Variants in TET1 observed in about 807,000 individuals in gnomAD.
The protein encoded by TET1 is tet methylcytosine dioxygenase 1, also known as methylcytosine dioxygenase TET1.
In TET1, 13 loss-of-function variants were observed where a neutral mutation model predicts 148.7. That is an observed-to-expected ratio of 0.09 (90% CI 0.06 to 0.14). TET1 has a LOEUF of 0.14. Ranked by LOEUF, TET1 falls within the 10% of genes least tolerant of loss-of-function variation. The pLI, the probability that TET1 is intolerant of heterozygous loss-of-function variation, is 1.00. For missense variants in TET1, 2,182 were observed against 2,553.8 expected, an observed-to-expected ratio of 0.85 and a Z score of 3.14; for synonymous variants, 907 against 937.2, an observed-to-expected ratio of 0.97 and a Z score of 0.59.
intron 3 of TET1, among the ~76,000 whole-genome samples, chr10:68,610,011 C>T (rs559419578): frequency 3.3e-5 from 5 of 152,006 alleles, no homozygotes; most frequent in East Asian, 1.9e-4. Context: ...AGGCAGGGCA[C>T]GGTGGCTCAC....
chr10:68,606,540 C>T (rs61868095), intron 3 of TET1, among the ~76,000 whole-genome samples: 4,179 of 151,902 alleles, frequency 0.028, 91 homozygotes, highest in Non-Finnish European at 0.037. Context: ...CTTGTAGCAA[C>T]ATGTTGCAAA....
At chr10:68,655,879 G>A (rs966243629) in intron 6 of TET1, among the ~76,000 whole-genome samples, 104 of 152,246 alleles carry the variant, frequency 6.8e-4, no homozygotes, top group African/African-American at 2.2e-3. Context: ...TGGCAGGAGA[G>A]CAAGTGAAGC....
rs767144503 is a variant in TET1 at position 68,572,719 on chromosome 10, G to C, written c.381G>C (p.Lys127Asn). Residue 127 changes from lysine to asparagine, a missense_variant, in exon 2 of 12, where the codon AAG becomes AAC. This residue lies in a region of TET1 where 665 missense variants were observed against 672.4 expected (regional missense o/e 0.99). Coordinates refer to ENST00000373644, the MANE Select transcript of TET1 (RefSeq NM_030625.3). ...QPPLVVAKSKKVPLSKGLEKQ... is the reference protein window; with the variant it reads ...QPPLVVAKSKNVPLSKGLEKQ... ...CACTGGTCGTAGCCAAATCCAAAAA[G>C]GTTCCACTTTCTAAGGGTTTAGAAA... 3.1e-6 allele frequency: 5 copies of C among 1,614,036 alleles called. No homozygotes were observed. Among genetic ancestry groups the C allele is most frequent in the Middle Eastern group, 1.6e-4 (1 of 6,062 alleles).
At chr10:68,616,323 A>G (rs761605901) in intron 3 of TET1, among the ~76,000 whole-genome samples, 15 of 150,350 alleles carry the variant, frequency 1.0e-4, no homozygotes, top group South Asian at 2.1e-4. Flanking sequence ...TTTTTGAAGA[A>G]TTTCCCTCAA....
In TET1 at chr10:68,692,593, G is replaced by T. The variant is rs1299132063; in HGVS notation, c.*779G>T. On this transcript the variant is annotated 3_prime_UTR_variant, in exon 12 of 12. Coordinates refer to ENST00000373644, the MANE Select transcript of TET1 (RefSeq NM_030625.3). ...TGTATTCTAATCATGTATATGGTTT[G>T]TGTTCTTTTACTGTGTCCTCTCACA... The T allele has an allele frequency of 4.3e-6, 1 of 232,294 alleles. No individual in the cohort carries two copies. The highest frequency in any genetic ancestry group is 1.8e-4 in the South Asian group (1 of 5,518). 14.4% of individuals were successfully genotyped at this position (232,294 alleles called of 1,614,324 possible). A position where few individuals can be genotyped will look rare whatever the true frequency, so the allele number is the denominator to read the frequency against.
intron 4 of TET1, among the ~76,000 whole-genome samples, chr10:68,649,605 CA>C (rs557761071): frequency 0.046 from 3,716 of 80,192 alleles, 95 homozygotes; most frequent in African/African-American, 0.1. Flanking sequence ...GACTCTGTCT[CA>C]AAAAAAAAAA....
At chr10:68,623,387 T>A (rs1239817971) in intron 3 of TET1, among the ~76,000 whole-genome samples, 1 of 152,204 alleles carries the variant, frequency 6.6e-6, no homozygotes, top group Non-Finnish European at 1.5e-5. Flanking sequence ...AAAATAGGAC[T>A]GTTGGATAGA....
intron 2 of TET1, among the ~76,000 whole-genome samples, chr10:68,586,962 T>C (rs2053868973): frequency 6.6e-6 from 1 of 152,202 alleles, no homozygotes; most frequent in Admixed American, 6.5e-5. Context: ...ATTCATGTTA[T>C]GTAGAGGAAA....
intron 2 of TET1, among the ~76,000 whole-genome samples, chr10:68,574,857 G>A (rs917676900): frequency 6.6e-6 from 1 of 152,168 alleles, no homozygotes; most frequent in East Asian, 1.9e-4. Flanking sequence ...AAACTCCAAA[G>A]TGATACACAA....
At chr10:68,616,539 G>A (rs2054292172) in intron 3 of TET1, among the ~76,000 whole-genome samples, 1 of 151,884 alleles carries the variant, frequency 6.6e-6, no homozygotes, top group Admixed American at 6.6e-5. Context: ...AATCTTTTGA[G>A]AATTTTTTTT....
At chr10:68,623,454 T>G (rs2054405039) in intron 3 of TET1, among the ~76,000 whole-genome samples, 1 of 152,220 alleles carries the variant, frequency 6.6e-6, no homozygotes, top group South Asian at 2.1e-4. Context: ...TTCCTGTTGC[T>G]TTGGATACTT....
chr10:68,621,461 G>A (rs994569213), intron 3 of TET1, among the ~76,000 whole-genome samples: 1 of 152,190 alleles, frequency 6.6e-6, no homozygotes, highest in African/African-American at 2.4e-5. Context: ...GCTTGCACCT[G>A]TAGTTCCAGC....
At chr10:68,682,538 T>G (rs925539958) in intron 9 of TET1, among the ~76,000 whole-genome samples, 1 of 152,206 alleles carries the variant, frequency 6.6e-6, no homozygotes, top group Non-Finnish European at 1.5e-5. Context: ...TTATTGGTCT[T>G]TCTTTCTAAT....
At position 68,573,685 on chromosome 10, in the gene TET1, G is replaced by T; in HGVS notation, c.1347G>T (p.Trp449Cys). The T allele has an allele frequency of 1.2e-6, 2 of 1,613,994 alleles. No individual in the cohort carries two copies. Among genetic ancestry groups the T allele is most frequent in the Non-Finnish European group, 1.7e-6 (2 of 1,180,024 alleles). The change falls in exon 2 of 12, where the codon TGG (tryptophan) becomes TGT (cysteine). Residue 449 changes from tryptophan to cysteine, a missense_variant. Coordinates refer to ENST00000373644, the MANE Select transcript of TET1 (RefSeq NM_030625.3). ...PIATFNAPSK[W>C]PEPQSTVSYG... ...CTACCTTTAATGCTCCTTCCAAATGGCCTGAGCCCCAAAGCACTGTCTCAT... is the reference window on the plus strand; with the variant it reads ...CTACCTTTAATGCTCCTTCCAAATGTCCTGAGCCCCAAAGCACTGTCTCAT...
At chr10:68,631,208 A>C (rs987446154) in intron 3 of TET1, among the ~76,000 whole-genome samples, 1 of 152,212 alleles carries the variant, frequency 6.6e-6, no homozygotes, top group Non-Finnish European at 1.5e-5. Flanking sequence ...AAATATATTA[A>C]AAACAAAGAT....
intron 1 of TET1, among the ~76,000 whole-genome samples, chr10:68,570,132 T>C (rs1204394068): frequency 6.6e-6 from 1 of 151,032 alleles, no homozygotes; most frequent in Non-Finnish European, 1.5e-5. Context: ...TGAGATGGAG[T>C]CTTGCTCTGT....
intron 11 of TET1, among the ~76,000 whole-genome samples, chr10:68,689,124 C>G (rs1189892376): frequency 2.0e-5 from 3 of 152,164 alleles, no homozygotes; most frequent in Non-Finnish European, 4.4e-5. Flanking sequence ...CCATCATTTA[C>G]CTTCTGTGGA....
chr10:68,659,441 C>G (rs911376481), intron 6 of TET1, among the ~76,000 whole-genome samples: 7 of 152,070 alleles, frequency 4.6e-5, no homozygotes, highest in African/African-American at 1.7e-4. Context: ...GCCTCAGCCT[C>G]TCGAGTAGCT....
intron 7 of TET1, among the ~76,000 whole-genome samples, chr10:68,669,251 A>G (rs4468238): frequency 0.94 from 143,202 of 151,732 alleles, 67,613 homozygotes; most frequent in East Asian, 0.98. Context: ...ACCACCCCCC[A>G]CAAAAAAAAA....
Sources: gnomAD v4.1 joint callset for allele counts (sites outside exome capture counted in the v4.1 genomes callset) on GRCh38, gnomAD v4.1.1 for gene constraint, gnomAD v4.1.1 regional missense constraint, MANE v1.5 for transcripts, NCBI Gene and HGNC (gene_info 2026-07-23, HGNC 2026-07-21) for gene names.